Variants in NLRP8 observed in about 807,000 individuals in gnomAD.
NLRP8 encodes NLR family pyrin domain containing 8, also known as NACHT, LRR and PYD domains-containing protein 8.
A neutral mutation model predicts 88.7 loss-of-function variants in NLRP8; 86 were observed. That is an observed-to-expected ratio of 0.97 (90% CI 0.81 to 1.16). The LOEUF (loss-of-function observed/expected upper bound fraction) is 1.16. Ranked by LOEUF, NLRP8 falls within the 50% of genes most tolerant of loss-of-function variation. The pLI, the probability that NLRP8 is intolerant of heterozygous loss-of-function variation, is 0.00. For synonymous variants in NLRP8, 504 were observed against 494.6 expected (o/e 1.02, Z -0.25); for missense variants, 1,342 against 1,286.5 (o/e 1.04, Z -0.66).
At chr19:55,958,792 G>A (rs427125) in intron 3 of NLRP8, among the ~76,000 whole-genome samples, 1 of 152,068 alleles carries the variant, frequency 6.6e-6, no homozygotes, top group African/African-American at 2.4e-5. Flanking sequence ...CTCAAGAAAT[G>A]CTCTCGCCTC....
intron 2 of NLRP8, among the ~76,000 whole-genome samples, chr19:55,953,266 C>T (rs1057015591): frequency 2.0e-5 from 3 of 152,100 alleles, no homozygotes; most frequent in East Asian, 1.9e-4. Context: ...ATGGGACCAT[C>T]GAGTTGCGGG....
chr19:55,969,822 G>C (rs1008613650), intron 5 of NLRP8, among the ~76,000 whole-genome samples: 4 of 152,146 alleles, frequency 2.6e-5, no homozygotes, highest in Admixed American at 2.0e-4. Flanking sequence ...TTCTTGCACA[G>C]AACAGAAAGC....
At chr19:55,952,654 C>T in intron 2 of NLRP8, 42 bp downstream of exon 2, 1 of 1,533,982 alleles carries the variant, frequency 6.5e-7, no homozygotes, top group Non-Finnish European at 9.0e-7. Flanking sequence ...AAAAAATGGG[C>T]TATGGACTGG....
At chr19:55,982,381 G>A (rs1741118101) in intron 9 of NLRP8, among the ~76,000 whole-genome samples, 1 of 152,114 alleles carries the variant, frequency 6.6e-6, no homozygotes, top group Non-Finnish European at 1.5e-5. Flanking sequence ...AGATTTGGAA[G>A]CACCTAAGTG....
At chr19:55,979,603 A>C (rs1980491044) in intron 9 of NLRP8, 39 bp downstream of exon 9, 1 of 1,609,156 alleles carries the variant, frequency 6.2e-7, no homozygotes, top group African/African-American at 1.3e-5. Context: ...AACCTACCAC[A>C]CAAGAGAAGC....
At position 55,973,796 on chromosome 19, in the gene NLRP8, C is replaced by A; in HGVS notation, c.2679C>A (p.His893Gln). The A allele has an allele frequency of 1.2e-6, 2 of 1,613,746 alleles. No homozygotes were observed. Among genetic ancestry groups the A allele is most frequent in the African/African-American group, 2.7e-5 (2 of 75,042 alleles). Residue 893 changes from histidine to glutamine, a missense_variant, in exon 7 of 10, where the codon CAC (histidine) becomes CAA (glutamine). Coordinates refer to ENST00000291971, the MANE Select transcript of NLRP8 (RefSeq NM_176811.2). Reference sequence around the variant, plus strand: ...AGCATATTTGGAATGCCCTGCCACACCTGAGATGTCCTCTGCAGAGGCTGG... The same window carrying A: ...AGCATATTTGGAATGCCCTGCCACAACTGAGATGTCCTCTGCAGAGGCTGG...
At chr19:55,978,031 A>G (rs1980419903) in intron 8 of NLRP8, among the ~76,000 whole-genome samples, 1 of 152,254 alleles carries the variant, frequency 6.6e-6, no homozygotes, top group South Asian at 2.1e-4. Context: ...GAAAGTGTTT[A>G]TGCAGTATTT....
chr19:55,953,231 C>T (rs1024080913), intron 2 of NLRP8, among the ~76,000 whole-genome samples: 12 of 152,110 alleles, frequency 7.9e-5, no homozygotes, highest in Non-Finnish European at 1.2e-4. Context: ...ATGCCTGATC[C>T]GTCACCGTCT....
At chr19:55,957,711 ATATATATATATAT>A (rs1568461001) in intron 3 of NLRP8, among the ~76,000 whole-genome samples, 1 of 60,224 alleles carries the variant, frequency 1.7e-5, no homozygotes. Context: ...ATATATATAT[ATATATATATATAT>A]AAAATAAGGT....
chr19:55,964,751 CAAAAAAA>C (rs540038164), intron 4 of NLRP8, among the ~76,000 whole-genome samples: 2 of 95,256 alleles, frequency 2.1e-5, no homozygotes, highest in African/African-American at 7.9e-5. Flanking sequence ...GACTCTGTCT[CAAAAAAA>C]AAAAAAAGAA....
intron 8 of NLRP8, among the ~76,000 whole-genome samples, chr19:55,977,214 C>CATAT (rs898823395): frequency 2.6e-4 from 1 of 3,782 alleles, no homozygotes; most frequent in Non-Finnish European, 3.8e-4. Context: ...ACATAAGATA[C>CATAT]ATATATATAT....
chr19:55,958,880 G>GT (rs1463284396), intron 3 of NLRP8, among the ~76,000 whole-genome samples: 1 of 150,404 alleles, frequency 6.6e-6, no homozygotes, highest in Non-Finnish European at 1.5e-5. Context: ...TTGTTTGTTT[G>GT]TTTGCTTGTT....
chr19:55,953,077 T>G (rs565976625), intron 2 of NLRP8, among the ~76,000 whole-genome samples: 26 of 152,218 alleles, frequency 1.7e-4, no homozygotes, highest in African/African-American at 6.3e-4. Flanking sequence ...TCATCTGTAT[T>G]TACAGCTGCT....
chr19:55,979,328 C>G, intron 8 of NLRP8, 66 bp from the exon 9 acceptor site: 1 of 1,561,334 alleles, frequency 6.4e-7, no homozygotes. Flanking sequence ...AGCCGTCACA[C>G]CGGCTGAGCT....
chr19:55,954,661 A>G lies in NLRP8; in HGVS notation c.603A>G (p.Arg201=), dbSNP rs779120593. The stretch of plus-strand genomic sequence containing the variant: ...TTCTGCCCAAAAGACCCCAGGGTAG[A>G]CAGCCCAAGACCGTGGCCATACAGG... The change falls in exon 3 of 10, where the codon AGA becomes AGG. Residue 201 remains arginine (R), a synonymous_variant. Transcript: ENST00000291971. The G allele has an allele frequency of 8.2e-5, 132 of 1,614,120 alleles. No individual in the cohort carries two copies. The highest frequency in any genetic ancestry group is 1.6e-4 in the Middle Eastern group (1 of 6,084).
At chr19:55,984,005 A>C (rs1394392957) in intron 9 of NLRP8, among the ~76,000 whole-genome samples, 1 of 152,162 alleles carries the variant, frequency 6.6e-6, no homozygotes, top group African/African-American at 2.4e-5. Context: ...TTCTTTCCCT[A>C]AGATAAAAAT....
rs1216617386 is a variant in NLRP8 at position 55,955,833 on chromosome 19, C to T, written c.1775C>T (p.Pro592Leu). ...AAGAGGAAACTGCTGAAAGTCATAC[C>T]TCTGTTGCATAAATGTGACCCACCT... Residue 592 changes from proline (P) to leucine (L), a missense_variant, in exon 3 of 10, where the codon CCT becomes CTT. Coordinates refer to ENST00000291971, the MANE Select transcript of NLRP8 (RefSeq NM_176811.2). 6.2e-7 allele frequency: 1 copy of T among 1,614,116 alleles called. No individual in the cohort carries two copies. The highest frequency in any genetic ancestry group is 1.1e-5 in the South Asian group (1 of 91,070).
At position 55,987,833 on chromosome 19, in the gene NLRP8, C is replaced by G. The variant is rs1440558827; in HGVS notation, c.3067C>G (p.Arg1023Gly). The G allele has an allele frequency of 6.2e-7, 1 of 1,613,872 alleles. No individual in the cohort carries two copies. The highest frequency in any genetic ancestry group is 8.5e-7 in the Non-Finnish European group (1 of 1,179,890). Residue 1023 changes from arginine (R) to glycine (G), a missense_variant, in exon 10 of 10, where the codon CGA (arginine) becomes GGA (glycine). Coordinates refer to ENST00000291971, the MANE Select transcript of NLRP8 (RefSeq NM_176811.2). ...CTCCAGCTGTATTCCTGCCTGGACT[C>G]GAATAACTAGCTTCTCCCCAACTCC...
intron 3 of NLRP8, among the ~76,000 whole-genome samples, chr19:55,960,173 C>T (rs995970483): frequency 1.3e-5 from 2 of 152,164 alleles, no homozygotes; most frequent in African/African-American, 4.8e-5. Flanking sequence ...TGTGTGAGGG[C>T]ACTGGCTCTG....
Sources: allele counts gnomAD v4.1 joint callset (sites outside exome capture counted in the v4.1 genomes callset), GRCh38; gene constraint gnomAD v4.1.1; transcripts MANE v1.5; gene names NCBI Gene and HGNC (gene_info 2026-07-23, HGNC 2026-07-21).